CAMTA1: variants seen among roughly 807,000 people sequenced by gnomAD.
The protein encoded by CAMTA1 is calmodulin binding transcription activator 1, also known as calmodulin-binding transcription activator 1.
CAMTA1 carries 27 observed loss-of-function variants against 170.9 expected under a neutral mutation model. The ratio of observed to expected loss-of-function variants is 0.16; its 90% CI spans 0.12 to 0.22. The LOEUF (loss-of-function observed/expected upper bound fraction) is 0.22, where lower values mean the gene tolerates loss of function less well. Ranked by LOEUF, CAMTA1 falls within the 10% of genes least tolerant of loss-of-function variation. The pLI is 1.00. For synonymous variants in CAMTA1, 833 were observed against 891.5 expected (o/e 0.93, Z 1.17); for missense variants, 1,619 against 2,217.2 (o/e 0.73, Z 5.42).
intron 7 of CAMTA1, among the ~76,000 whole-genome samples, chr1:7,645,873 G>C (rs1461281770): frequency 6.6e-6 from 1 of 152,264 alleles, no homozygotes; most frequent in Non-Finnish European, 1.5e-5. Context: ...CCACAGGCAC[G>C]AGTGTGTGGG....
At chr1:7,313,374 G>A (rs1017574638) in intron 5 of CAMTA1, among the ~76,000 whole-genome samples, 1 of 152,180 alleles carries the variant, frequency 6.6e-6, no homozygotes, top group Admixed American at 6.5e-5. Flanking sequence ...TCATTTTTCT[G>A]AACAGAAGCT....
chr1:7,603,057 A>G (rs148336059), intron 6 of CAMTA1, among the ~76,000 whole-genome samples: 2,921 of 152,284 alleles, frequency 0.019, 37 homozygotes, highest in Non-Finnish European at 0.03. Flanking sequence ...ACAGCTTGTT[A>G]TAATTTCTGT....
intron 7 of CAMTA1, among the ~76,000 whole-genome samples, chr1:7,652,223 T>C (rs557056204): frequency 3.7e-4 from 56 of 152,322 alleles, no homozygotes; most frequent in Non-Finnish European, 7.4e-4. Flanking sequence ...GACCAGCACA[T>C]GCCTCAGGGA....
chr1:6,846,678 A>G (rs1210402013), intron 3 of CAMTA1, among the ~76,000 whole-genome samples: 2 of 152,220 alleles, frequency 1.3e-5, no homozygotes, highest in Non-Finnish European at 1.5e-5. Flanking sequence ...AATCATTAGT[A>G]TTACTAAACC....
Position 7,328,637 on chromosome 1 carries a change from A to G in CAMTA1, c.438+79011A>G, listed in dbSNP as rs2082839562. On this transcript the variant is annotated intron_variant, in intron 5 of 22. Transcript: ENST00000303635. ...TCTTTACCTCTATTTTATATGTTTC[A>G]ACATTTTCTCTCTGTATTGGCTTCC... Among the ~76,000 whole-genome samples, 3 of 152,056 alleles carry G rather than the reference A, an allele frequency of 2.0e-5. No individual in the cohort carries two copies. The South Asian group carries it at 6.2e-4, about 32-fold the overall frequency.
intron 8 of CAMTA1, among the ~76,000 whole-genome samples, chr1:7,662,281 C>A (rs146854638): frequency 6.6e-6 from 1 of 152,378 alleles, no homozygotes; most frequent in Non-Finnish European, 1.5e-5. Flanking sequence ...CAACCTCTTT[C>A]TTTAACCTCT....
At chr1:7,223,313 A>G (rs1272725303) in intron 4 of CAMTA1, among the ~76,000 whole-genome samples, 1 of 152,278 alleles carries the variant, frequency 6.6e-6, no homozygotes, top group East Asian at 1.9e-4. Flanking sequence ...GAGACAATGG[A>G]ACAGGTGCAT....
intron 6 of CAMTA1, among the ~76,000 whole-genome samples, chr1:7,627,241 T>C (rs922269726): frequency 6.6e-6 from 1 of 152,216 alleles, no homozygotes; most frequent in African/African-American, 2.4e-5. Context: ...TCATCGTCTG[T>C]TGGAGATCAT....
At chr1:6,972,683 A>T (rs1395123890) in intron 3 of CAMTA1, among the ~76,000 whole-genome samples, 1 of 152,162 alleles carries the variant, frequency 6.6e-6, no homozygotes, top group Non-Finnish European at 1.5e-5. Context: ...CAAAGCCTGA[A>T]TTCTGCCTGT....
intron 3 of CAMTA1, among the ~76,000 whole-genome samples, chr1:6,907,740 G>A (rs554984744): frequency 8.5e-5 from 13 of 152,320 alleles, no homozygotes; most frequent in African/African-American, 2.9e-4. Context: ...AGCCACTCCA[G>A]AAGTAGCGTG....
chr1:7,595,502 G>A (rs1001694451), intron 6 of CAMTA1, among the ~76,000 whole-genome samples: 1 of 152,136 alleles, frequency 6.6e-6, no homozygotes, highest in Non-Finnish European at 1.5e-5. Context: ...TTCCTCCCGC[G>A]GCTCTGCTGA....
intron 6 of CAMTA1, among the ~76,000 whole-genome samples, chr1:7,614,702 C>T (rs1192210182): frequency 1.4e-4 from 21 of 152,154 alleles, no homozygotes; most frequent in Admixed American, 1.4e-3. Context: ...CAGAGACAGC[C>T]CGGGACAATC....
At chr1:7,382,366 T>G (rs1344341140) in intron 5 of CAMTA1, 2 of 152,238 alleles carry the variant, frequency 1.3e-5, no homozygotes, top group Non-Finnish European at 2.9e-5. Flanking sequence ...TGAAATCAGG[T>G]AAATCTGGTA....
At chr1:7,543,905 A>T (rs1438703711) in intron 6 of CAMTA1, among the ~76,000 whole-genome samples, 1 of 151,904 alleles carries the variant, frequency 6.6e-6, no homozygotes, top group Non-Finnish European at 1.5e-5. Context: ...ATGGAAAGGG[A>T]CAGATTCTGG....
chr1:7,335,166 G>A, intron 5 of CAMTA1, among the ~76,000 whole-genome samples: 1 of 142,788 alleles, frequency 7.0e-6, no homozygotes, highest in African/African-American at 2.5e-5. Context: ...GGTGGGGGTG[G>A]GGGGTGTCAG....
chr1:7,270,287 A>ATTTTTT lies in CAMTA1; in HGVS notation c.438+20662_438+20663insTTTTTT, dbSNP rs1249476043. ...CACACACACACACATATATATATAT[A>ATTTTTT]TATATTTTTTTTTTTTTTTCTTGTG... On this transcript the variant is annotated intron_variant, in intron 5 of 22. Coordinates refer to ENST00000303635, the MANE Select transcript of CAMTA1 (RefSeq NM_015215.4). Among the ~76,000 whole-genome samples the ATTTTTT allele has an allele frequency of 3.0e-3, 336 of 111,500 alleles. 9 individuals are homozygous for ATTTTTT. Among genetic ancestry groups the ATTTTTT allele is most frequent in the African/African-American group, 0.013 (322 of 24,670 alleles). The allele number at this position is 111,500 out of a possible 152,430, so 73.1% of individuals were successfully genotyped here.
chr1:7,601,539 G>A (rs1480067750), intron 6 of CAMTA1, among the ~76,000 whole-genome samples: 4 of 152,278 alleles, frequency 2.6e-5, no homozygotes, highest in Non-Finnish European at 5.9e-5. Flanking sequence ...CAGACAGGGT[G>A]GCGGCCGGGC....
rs575429248 is a variant in CAMTA1 at position 7,563,438 on chromosome 1, G to A, written c.511-76962G>A. 6.6e-5 allele frequency among the ~76,000 whole-genome samples: 10 copies of A among 152,348 alleles called. No individual in the cohort carries two copies. In the East Asian group the frequency reaches 1.9e-3, roughly 29 times the overall value. On this transcript the variant is annotated intron_variant, in intron 6 of 22. Coordinates refer to ENST00000303635, the MANE Select transcript of CAMTA1 (RefSeq NM_015215.4). ...AGGTCAGCGAGGCTCGGTGGGACCT[G>A]CTAGCAGCTCCCGTGCCTTCTGTTC...
chr1:7,387,459 G>A (rs987027693), intron 5 of CAMTA1, among the ~76,000 whole-genome samples: 2 of 152,106 alleles, frequency 1.3e-5, no homozygotes, highest in Non-Finnish European at 1.5e-5. Flanking sequence ...AGGCCAGGCC[G>A]TGGGGTCTCT....
Sources: allele counts gnomAD v4.1 joint callset (sites outside exome capture counted in the v4.1 genomes callset), GRCh38; gene constraint gnomAD v4.1.1; transcripts MANE v1.5; gene names NCBI Gene and HGNC (gene_info 2026-07-23, HGNC 2026-07-21).